ST6GALNAC3: variants seen among roughly 807,000 people sequenced by gnomAD.
ST6GALNAC3 encodes the protein alpha-N-acetylgalactosaminide alpha-2,6-sialyltransferase 3.
A neutral mutation model predicts 32.7 loss-of-function variants in ST6GALNAC3; 25 were observed. The ratio of observed to expected loss-of-function variants is 0.76; its 90% confidence interval spans 0.56 to 1.07. The LOEUF (loss-of-function observed/expected upper bound fraction) is 1.07, where lower values mean the gene tolerates loss of function less well. Among genes scored for constraint, ST6GALNAC3 ranks in the 50% least tolerant of loss-of-function variants. The pLI, the probability that ST6GALNAC3 is intolerant of heterozygous loss-of-function variation, is 0.00. For synonymous variants in ST6GALNAC3, 129 were observed against 133.1 expected, an observed-to-expected ratio of 0.97 and a Z score of 0.21; for missense variants, 355 against 382.4, an observed-to-expected ratio of 0.93 and a Z score of 0.60.
At chr1:76,097,285 A>T (rs1236793440) in intron 1 of ST6GALNAC3, among the ~76,000 whole-genome samples, 2 of 152,136 alleles carry the variant, frequency 1.3e-5, no homozygotes, top group African/African-American at 4.8e-5. Flanking sequence ...CTTATCTTGA[A>T]TTGAAGTTCC....
intron 1 of ST6GALNAC3, among the ~76,000 whole-genome samples, chr1:76,274,229 A>C (rs2100764273): frequency 6.6e-6 from 1 of 152,260 alleles, no homozygotes; most frequent in Non-Finnish European, 1.5e-5. Context: ...ATATATAAGC[A>C]AGTTTATGTC....
At chr1:76,199,773 A>G (rs893350709) in intron 1 of ST6GALNAC3, among the ~76,000 whole-genome samples, 1 of 152,240 alleles carries the variant, frequency 6.6e-6, no homozygotes, top group Non-Finnish European at 1.5e-5. Context: ...TTTTAATTAA[A>G]ATAAGATGCT....
intron 3 of ST6GALNAC3, among the ~76,000 whole-genome samples, chr1:76,570,208 A>G (rs996630839): frequency 6.6e-6 from 1 of 152,146 alleles, no homozygotes; most frequent in South Asian, 2.1e-4. Context: ...TTAAACCTTT[A>G]TGGAATATCT....
chr1:76,329,936 G>A (rs1369075779), intron 2 of ST6GALNAC3, among the ~76,000 whole-genome samples: 1 of 151,848 alleles, frequency 6.6e-6, no homozygotes, highest in Non-Finnish European at 1.5e-5. Flanking sequence ...AGCCTCCCAA[G>A]TAGCTGGGAT....
At chr1:76,145,972 A>G (rs1014814206) in intron 1 of ST6GALNAC3, among the ~76,000 whole-genome samples, 18 of 152,368 alleles carry the variant, frequency 1.2e-4, no homozygotes, top group Admixed American at 7.2e-4. Flanking sequence ...AGCTTAGCAA[A>G]TGAACACAAA....
chr1:76,435,959 C>T (rs887736398), intron 3 of ST6GALNAC3, among the ~76,000 whole-genome samples: 1 of 151,664 alleles, frequency 6.6e-6, no homozygotes, highest in Non-Finnish European at 1.5e-5. Context: ...GCTTTTGGTG[C>T]ACCCATCACC....
At chr1:76,215,582 A>T (rs1335875678) in intron 1 of ST6GALNAC3, among the ~76,000 whole-genome samples, 2 of 152,216 alleles carry the variant, frequency 1.3e-5, no homozygotes, top group Non-Finnish European at 2.9e-5. Context: ...ACTTTTACGT[A>T]GTCTATTAAG....
intron 1 of ST6GALNAC3, among the ~76,000 whole-genome samples, chr1:76,090,206 A>G (rs1253652166): frequency 6.6e-6 from 1 of 152,340 alleles, no homozygotes; most frequent in Middle Eastern, 3.4e-3. Context: ...AATAATTTTG[A>G]TCTGAATTAA....
At chr1:76,330,784 G>T (rs549456723) in intron 2 of ST6GALNAC3, among the ~76,000 whole-genome samples, 1 of 152,220 alleles carries the variant, frequency 6.6e-6, no homozygotes, top group South Asian at 2.1e-4. Flanking sequence ...TGCAAGTGTC[G>T]GTCTTTCCAT....
intron 1 of ST6GALNAC3, among the ~76,000 whole-genome samples, chr1:76,310,950 C>A: frequency 6.6e-6 from 1 of 152,160 alleles, no homozygotes; most frequent in East Asian, 1.9e-4. Flanking sequence ...CCTGCTCTGA[C>A]AACTCTGGTT....
intron 2 of ST6GALNAC3, among the ~76,000 whole-genome samples, chr1:76,344,628 C>A (rs753984108): frequency 4.4e-4 from 67 of 152,238 alleles, no homozygotes; most frequent in Non-Finnish European, 8.2e-4. Flanking sequence ...CTATACTAAG[C>A]TATTTCTTTT....
intron 1 of ST6GALNAC3, among the ~76,000 whole-genome samples, chr1:76,153,997 C>T (rs1368067259): frequency 6.6e-6 from 1 of 152,156 alleles, no homozygotes; most frequent in East Asian, 1.9e-4. Context: ...GCCTGTCCCG[C>T]CGTCTGTAGT....
chr1:76,196,552 T>G (rs1394646122), intron 1 of ST6GALNAC3, among the ~76,000 whole-genome samples: 3 of 151,572 alleles, frequency 2.0e-5, no homozygotes, highest in African/African-American at 7.3e-5. Flanking sequence ...TGCAGCCTCC[T>G]CCTCCCGGGT....
chr1:76,311,741 A>G (rs1646767966), intron 1 of ST6GALNAC3, among the ~76,000 whole-genome samples: 1 of 152,104 alleles, frequency 6.6e-6, no homozygotes, highest in Non-Finnish European at 1.5e-5. Context: ...CAATAAACAT[A>G]TGTGTGCATG....
At chr1:76,604,051 A>G (rs140033308) in intron 3 of ST6GALNAC3, among the ~76,000 whole-genome samples, 96 of 152,340 alleles carry the variant, frequency 6.3e-4, no homozygotes, top group African/African-American at 2.3e-3. Context: ...AACTACATAC[A>G]GAATTGGCTG....
At chr1:76,395,392 A>G (rs1652871907) in intron 2 of ST6GALNAC3, among the ~76,000 whole-genome samples, 1 of 152,214 alleles carries the variant, frequency 6.6e-6, no homozygotes, top group Non-Finnish European at 1.5e-5. Flanking sequence ...AGATTTCTTC[A>G]AAAACTATAC....
chr1:76,404,663 A>G (rs891057136), intron 2 of ST6GALNAC3, among the ~76,000 whole-genome samples: 2 of 152,120 alleles, frequency 1.3e-5, no homozygotes, highest in Non-Finnish European at 2.9e-5. Context: ...ATGACAGCAA[A>G]CTGAAGAGTG....
At chr1:76,622,675 G>A (rs924878346) in intron 3 of ST6GALNAC3, among the ~76,000 whole-genome samples, 1 of 151,972 alleles carries the variant, frequency 6.6e-6, no homozygotes, top group Non-Finnish European at 1.5e-5. Context: ...TGCTGAGATT[G>A]ATAAACTCTA....
chr1:76,165,746 A>G (rs1473289170), intron 1 of ST6GALNAC3, among the ~76,000 whole-genome samples: 1 of 152,068 alleles, frequency 6.6e-6, no homozygotes, highest in East Asian at 1.9e-4. Flanking sequence ...TGTGGTTTTG[A>G]TTTGCATTTC....
Sources: allele counts gnomAD v4.1 joint callset (sites outside exome capture counted in the v4.1 genomes callset), GRCh38; gene constraint gnomAD v4.1.1; transcripts MANE v1.5; gene names NCBI Gene and HGNC (gene_info 2026-07-23, HGNC 2026-07-21).